NALF1: variants seen among roughly 807,000 people sequenced by gnomAD.
NALF1 encodes NALCN channel auxiliary factor 1.
NALF1 carries 3 observed loss-of-function variants against 48.4 expected under a neutral mutation model. That is an observed-to-expected ratio of 0.06 (90% CI 0.03 to 0.16). The LOEUF (loss-of-function observed/expected upper bound fraction) is 0.16, where lower values mean the gene tolerates loss of function less well. NALF1 is among the 10% of genes least tolerant of loss of function. The pLI is 1.00. For synonymous variants in NALF1, 262 were observed against 245.7 expected (o/e 1.07, Z -0.62); for missense variants, 526 against 571.5 (o/e 0.92, Z 0.81).
At chr13:107,211,795 C>A (rs1464281448) in intron 1 of NALF1, among the ~76,000 whole-genome samples, 2 of 152,104 alleles carry the variant, frequency 1.3e-5, no homozygotes, top group Non-Finnish European at 2.9e-5. Context: ...ATTATAAATA[C>A]CTAATAATAA....
In NALF1 at chr13:107,790,561, G is replaced by A. The variant is rs186062420; in HGVS notation, c.915+75121C>T. Among the ~76,000 whole-genome samples, 500 of 152,272 alleles carry A rather than the reference G, an allele frequency of 3.3e-3. 11 individuals carry two copies. Among genetic ancestry groups the A allele is most frequent in the Admixed American group, 0.031 (467 of 15,300 alleles). ...AATAAAACAGGGCTGAAATCTGTATGTCAGATCACATACACATAATTCACT... is the reference window on the plus strand; with the variant it reads ...AATAAAACAGGGCTGAAATCTGTATATCAGATCACATACACATAATTCACT... On this transcript the variant is annotated intron_variant, in intron 1 of 2. Transcript: ENST00000375915.
At chr13:107,470,035 G>A (rs1885074863) in intron 1 of NALF1, among the ~76,000 whole-genome samples, 1 of 151,976 alleles carries the variant, frequency 6.6e-6, no homozygotes, top group Admixed American at 6.6e-5. Flanking sequence ...GAGCCACCAC[G>A]CCCGACCAAC....
chr13:107,804,167 G>A (rs913174934), intron 1 of NALF1, among the ~76,000 whole-genome samples: 3 of 152,164 alleles, frequency 2.0e-5, no homozygotes, highest in African/African-American at 2.4e-5. Context: ...CTTTTCTCTC[G>A]CCTGTCCACC....
At chr13:107,579,998 G>C (rs375214304) in intron 1 of NALF1, among the ~76,000 whole-genome samples, 1 of 151,726 alleles carries the variant, frequency 6.6e-6, no homozygotes, top group Admixed American at 6.6e-5. Context: ...ACATGCACAC[G>C]TATGTTTATT....
chr13:107,301,304 CA>C (rs1881832696), intron 1 of NALF1, among the ~76,000 whole-genome samples: 2 of 152,070 alleles, frequency 1.3e-5, no homozygotes, highest in African/African-American at 2.4e-5. Flanking sequence ...GACCACTCAG[CA>C]ATCTGATATT....
chr13:107,594,784 G>A (rs1878696063), intron 1 of NALF1, among the ~76,000 whole-genome samples: 1 of 151,842 alleles, frequency 6.6e-6, no homozygotes, highest in Non-Finnish European at 1.5e-5. Flanking sequence ...TTTCCTTTTA[G>A]AAGGATATGT....
rs573234736 is a variant in NALF1, at chr13:107,508,722, T to G, written c.916-297967A>C. On this transcript the variant is annotated intron_variant, in intron 1 of 2. Coordinates refer to ENST00000375915, the MANE Select transcript of NALF1 (RefSeq NM_001080396.3). ...AAAGACAAGCCTGGCTGTGCACGAT[T>G]ACAGGCTTGCAACTACGCACACGCC... 3.9e-5 allele frequency among the ~76,000 whole-genome samples: 6 copies of G among 152,206 alleles called. No homozygotes were observed. The South Asian group carries it at 1.2e-3, about 32-fold the overall frequency.
Position 107,472,733 on chromosome 13 carries a change from C to T in NALF1, c.916-261978G>A, listed in dbSNP as rs1044530775. Among the ~76,000 whole-genome samples, 4 of 152,252 alleles carry T rather than the reference C, an allele frequency of 2.6e-5. No homozygotes were observed. In the East Asian group the frequency reaches 7.8e-4, roughly 30 times the overall value. On this transcript the variant is annotated intron_variant, in intron 1 of 2. Coordinates refer to ENST00000375915, the MANE Select transcript of NALF1 (RefSeq NM_001080396.3). ...GGGCTCTCGGGCCATTGACCACAGT[C>T]TCAAAGCTACACTACTTCCTGACTT...
In NALF1 at chr13:107,785,129, T is replaced by C. The variant is rs185231284; in HGVS notation, c.915+80553A>G. 2.9e-3 allele frequency among the ~76,000 whole-genome samples: 444 copies of C among 152,044 alleles called. 7 individuals are homozygous for C. The highest frequency in any genetic ancestry group is 0.01 in the African/African-American group (421 of 41,462). ...GTATGTATATGTATATATATATTCATATATATGTGTGTGTATATATATATG... is the reference window on the plus strand; with the variant it reads ...GTATGTATATGTATATATATATTCACATATATGTGTGTGTATATATATATG... On this transcript the variant is annotated intron_variant, in intron 1 of 2. Coordinates refer to ENST00000375915, the MANE Select transcript of NALF1 (RefSeq NM_001080396.3).
intron 1 of NALF1, among the ~76,000 whole-genome samples, chr13:107,339,828 T>C (rs1032145471): frequency 6.6e-6 from 1 of 152,226 alleles, no homozygotes; most frequent in Non-Finnish European, 1.5e-5. Context: ...TTTCAGAAGA[T>C]ATTGTGTTTC....
intron 1 of NALF1, among the ~76,000 whole-genome samples, chr13:107,312,718 T>G (rs1037664814): frequency 1.3e-5 from 2 of 151,922 alleles, no homozygotes; most frequent in African/African-American, 4.8e-5. Flanking sequence ...TCACAACACA[T>G]GAAGAAATAA....
At chr13:107,807,390 T>C (rs994253072) in intron 1 of NALF1, among the ~76,000 whole-genome samples, 1 of 152,130 alleles carries the variant, frequency 6.6e-6, no homozygotes, top group Admixed American at 6.6e-5. Context: ...ACACTTCAAA[T>C]AGGGGAACTA....
chr13:107,184,011 C>T (rs1451385858), intron 2 of NALF1, among the ~76,000 whole-genome samples: 1 of 150,280 alleles, frequency 6.7e-6, no homozygotes, highest in Non-Finnish European at 1.5e-5. Flanking sequence ...CAGAGTCTCA[C>T]TCTGTTGCCG....
intron 1 of NALF1, among the ~76,000 whole-genome samples, chr13:107,641,399 T>G (rs2138458690): frequency 6.6e-6 from 1 of 152,234 alleles, no homozygotes; most frequent in Non-Finnish European, 1.5e-5. Flanking sequence ...TAGCTAAAGG[T>G]TAAGAATTTG....
chr13:107,788,841 G>C (rs984685364), intron 1 of NALF1: 1 of 152,038 alleles, frequency 6.6e-6, no homozygotes, highest in Non-Finnish European at 1.5e-5. Flanking sequence ...CTGAAGGATA[G>C]TGGCAACCGG....
At chr13:107,574,251 A>T (rs1366731402) in intron 1 of NALF1, among the ~76,000 whole-genome samples, 2 of 152,302 alleles carry the variant, frequency 1.3e-5, no homozygotes, top group Non-Finnish European at 2.9e-5. Flanking sequence ...AAAACTACTC[A>T]AAGAGATTTG....
At chr13:107,678,332 G>C (rs1187411796) in intron 1 of NALF1, among the ~76,000 whole-genome samples, 1 of 152,084 alleles carries the variant, frequency 6.6e-6, no homozygotes, top group Non-Finnish European at 1.5e-5. Context: ...GGAATCTCAA[G>C]GTTTCAGTTA....
chr13:107,714,182 TAA>T (rs1415322174), intron 1 of NALF1, among the ~76,000 whole-genome samples: 1 of 152,210 alleles, frequency 6.6e-6, no homozygotes, highest in African/African-American at 2.4e-5. Flanking sequence ...TATGTTGATA[TAA>T]AGAATCTTTT....
chr13:107,831,982 A>C (rs1879747067), intron 1 of NALF1, among the ~76,000 whole-genome samples: 1 of 152,186 alleles, frequency 6.6e-6, no homozygotes, highest in Admixed American at 6.5e-5. Context: ...AATTTTTCAT[A>C]ATTTGTGGAC....
Sources: gnomAD v4.1 joint callset for allele counts (sites outside exome capture counted in the v4.1 genomes callset) on GRCh38, gnomAD v4.1.1 for gene constraint, MANE v1.5 for transcripts, NCBI Gene and HGNC (gene_info 2026-07-23, HGNC 2026-07-21) for gene names.